Variants in CCSER1 observed in about 807,000 individuals in gnomAD.
The protein encoded by CCSER1 is coiled-coil serine rich protein 1.
In CCSER1, 41 loss-of-function variants were observed where a neutral mutation model predicts 82.0. That is an observed-to-expected ratio of 0.50 (90% CI 0.39 to 0.65). The LOEUF (loss-of-function observed/expected upper bound fraction) is 0.65, where lower values mean the gene tolerates loss of function less well. CCSER1 is among the 30% of genes least tolerant of loss of function. The pLI, the probability that CCSER1 is intolerant of heterozygous loss-of-function variation, is 0.00. For missense variants in CCSER1, 1,119 were observed against 1,064.2 expected (o/e 1.05, Z -0.72); for synonymous variants, 414 against 383.9 (o/e 1.08, Z -0.92).
intron 9 of CCSER1, among the ~76,000 whole-genome samples, chr4:91,024,016 A>G (rs1218744355): frequency 1.3e-5 from 2 of 152,160 alleles, no homozygotes; most frequent in Non-Finnish European, 2.9e-5. Context: ...TGAGAGCTGA[A>G]GGCAGCACAG....
rs1043765753 is a variant in CCSER1, at chr4:90,584,454, A to C, written c.1725-43571A>C. On this transcript the variant is annotated intron_variant, in intron 5 of 10. Coordinates refer to ENST00000509176, the MANE Select transcript of CCSER1 (RefSeq NM_001145065.2). ...AGCAACAGAAAAAGCTTGGGGGTGA[A>C]TTTCTCTTTAGAAACTCCAGAAGAG... Among the ~76,000 whole-genome samples, 3 of 152,154 alleles carry C rather than the reference A, an allele frequency of 2.0e-5. No homozygotes were observed. The East Asian group carries it at 5.8e-4, about 29-fold the overall frequency.
At chr4:91,152,551 T>C (rs1730338845) in intron 10 of CCSER1, among the ~76,000 whole-genome samples, 1 of 152,236 alleles carries the variant, frequency 6.6e-6, no homozygotes, top group Admixed American at 6.5e-5. Flanking sequence ...GTGAATTTGA[T>C]CCTGTCATTA....
At chr4:90,813,408 C>T (rs899219913) in intron 7 of CCSER1, among the ~76,000 whole-genome samples, 3 of 152,186 alleles carry the variant, frequency 2.0e-5, no homozygotes, top group Admixed American at 2.0e-4. Context: ...TGGGGTATAT[C>T]CCCTGCGGCT....
At chr4:91,101,260 G>A (rs1305306886) in intron 10 of CCSER1, among the ~76,000 whole-genome samples, 1 of 152,178 alleles carries the variant, frequency 6.6e-6, no homozygotes, top group Non-Finnish European at 1.5e-5. Context: ...ATGTTTCCAA[G>A]ATAGAGTTCC....
At chr4:91,199,504 G>A (rs985597723) in intron 10 of CCSER1, among the ~76,000 whole-genome samples, 50 of 151,838 alleles carry the variant, frequency 3.3e-4, no homozygotes, top group African/African-American at 1.2e-3. Flanking sequence ...CAAAACTGTA[G>A]GATTATATGA....
intron 5 of CCSER1, among the ~76,000 whole-genome samples, chr4:90,482,648 G>A (rs1229951312): frequency 6.6e-6 from 1 of 152,202 alleles, no homozygotes; most frequent in African/African-American, 2.4e-5. Flanking sequence ...TCATTCAGGA[G>A]CAGGTTGTTC....
At chr4:90,543,731 G>A (rs191872450) in intron 5 of CCSER1, among the ~76,000 whole-genome samples, 27 of 152,248 alleles carry the variant, frequency 1.8e-4, no homozygotes, top group African/African-American at 6.5e-4. Flanking sequence ...CTGTAAGCCT[G>A]TTCACTGCAA....
intron 10 of CCSER1, among the ~76,000 whole-genome samples, chr4:91,132,657 C>T (rs1028329126): frequency 6.6e-6 from 1 of 152,192 alleles, no homozygotes; most frequent in African/African-American, 2.4e-5. Context: ...TAAGCAATTA[C>T]AGTCTGTCTT....
rs115212222 is a variant in CCSER1 at position 90,731,632 on chromosome 4, A to G, written c.2010+7641A>G. 7.2e-3 allele frequency among the ~76,000 whole-genome samples: 1,100 copies of G among 152,256 alleles called. 16 individuals carry two copies. Among genetic ancestry groups the G allele is most frequent in the African/African-American group, 0.025 (1,040 of 41,558 alleles). On this transcript the variant is annotated intron_variant, in intron 7 of 10. Coordinates refer to ENST00000509176, the MANE Select transcript of CCSER1 (RefSeq NM_001145065.2). ...CAATAGGTATATATTTGAGGAACCA[A>G]TGTATTTTATAAAAATCATTTTAAA... is the stretch of plus-strand genomic sequence containing the variant.
At chr4:91,188,343 C>T (rs193143232) in intron 10 of CCSER1, among the ~76,000 whole-genome samples, 25 of 152,130 alleles carry the variant, frequency 1.6e-4, no homozygotes, top group East Asian at 7.7e-4. Context: ...ATTGATGTTA[C>T]GGCGTTTTAA....
At chr4:91,102,583 A>G (rs552636491) in intron 10 of CCSER1, among the ~76,000 whole-genome samples, 11 of 152,246 alleles carry the variant, frequency 7.2e-5, no homozygotes, top group Non-Finnish European at 1.3e-4. Flanking sequence ...TATAAGGCAC[A>G]TAAGTTATTT....
At chr4:90,406,715 A>C (rs891724094) in intron 4 of CCSER1, among the ~76,000 whole-genome samples, 8 of 152,194 alleles carry the variant, frequency 5.3e-5, no homozygotes, top group Non-Finnish European at 1.2e-4. Context: ...CTTCAAAACC[A>C]TGCAAATACA....
chr4:90,551,369 A>T (rs1777455969), intron 5 of CCSER1, among the ~76,000 whole-genome samples: 1 of 151,828 alleles, frequency 6.6e-6, no homozygotes, highest in Non-Finnish European at 1.5e-5. Flanking sequence ...CTCCAGTTTT[A>T]CTAAATTTTA....
At chr4:91,087,658 G>C (rs1038536721) in intron 10 of CCSER1, among the ~76,000 whole-genome samples, 1 of 152,164 alleles carries the variant, frequency 6.6e-6, no homozygotes, top group African/African-American at 2.4e-5. Context: ...TTCTCCCTCA[G>C]GGTAGTGGAA....
chr4:91,426,620 A>G (rs902425354), intron 10 of CCSER1, among the ~76,000 whole-genome samples: 1 of 152,208 alleles, frequency 6.6e-6, no homozygotes, highest in Non-Finnish European at 1.5e-5. Context: ...TGTATTTAAT[A>G]CAATTTCAAT....
chr4:90,623,804 T>C (rs147136409), intron 5 of CCSER1, among the ~76,000 whole-genome samples: 1,810 of 152,278 alleles, frequency 0.012, 12 homozygotes, highest in Middle Eastern at 0.031. Context: ...ATGAAAAATA[T>C]AAGTTATTCA....
intron 5 of CCSER1, among the ~76,000 whole-genome samples, chr4:90,605,530 C>T (rs533392779): frequency 3.3e-5 from 5 of 152,092 alleles, no homozygotes; most frequent in Non-Finnish European, 7.4e-5. Context: ...TAAGACTGTA[C>T]AAATCCAGTC....
At chr4:90,574,338 G>A (rs1182217578) in intron 5 of CCSER1, among the ~76,000 whole-genome samples, 1 of 136,778 alleles carries the variant, frequency 7.3e-6, no homozygotes, top group Non-Finnish European at 1.5e-5. Flanking sequence ...GCGCAATCTC[G>A]GCTCACTGCA....
rs76415434 is a variant in CCSER1, at chr4:91,365,360, C to T, written c.2218-233212C>T. 6.2e-3 allele frequency among the ~76,000 whole-genome samples: 951 copies of T among 152,172 alleles called. 15 individuals are homozygous for T. Among genetic ancestry groups the T allele is most frequent in the African/African-American group, 0.021 (884 of 41,502 alleles). ...ATTCTATATCATGAAATGCCCTGTA[C>T]GTTTTTGATTCTCTATCTGGAATGC... On this transcript the variant is annotated intron_variant, in intron 10 of 10. Coordinates refer to ENST00000509176, the MANE Select transcript of CCSER1 (RefSeq NM_001145065.2).
Sources: allele counts gnomAD v4.1 joint callset (sites outside exome capture counted in the v4.1 genomes callset), GRCh38; gene constraint gnomAD v4.1.1; transcripts MANE v1.5; gene names NCBI Gene and HGNC (gene_info 2026-07-23, HGNC 2026-07-21).